The following SLC24A2 variants were observed in gnomAD, a reference collection of about 807,000 sequenced individuals.
SLC24A2 encodes sodium/potassium/calcium exchanger 2.
A neutral mutation model predicts 62.0 loss-of-function variants in SLC24A2; 36 were observed. That is an observed-to-expected ratio of 0.58 (90% CI 0.44 to 0.77). The LOEUF is 0.77. SLC24A2 is among the 30% of genes least tolerant of loss of function. SLC24A2 has a pLI of 0.00. For synonymous variants in SLC24A2, 358 were observed against 294.0 expected, an observed-to-expected ratio of 1.22 and a Z score of -2.23; for missense variants, 846 against 817.9, an observed-to-expected ratio of 1.03 and a Z score of -0.42.
At chr9:19,928,030 C>T in the SLC24A2 span, 2 of 152,556 alleles carry the variant, frequency 1.3e-5, no homozygotes, top group Non-Finnish European at 2.9e-5. Context: ...GTCTTCGGCT[C>T]ACTCCTGGAG....
intron 2 of SLC24A2, among the ~76,000 whole-genome samples, chr9:19,696,419 G>A (rs1469066936): frequency 6.6e-6 from 1 of 152,158 alleles, no homozygotes; most frequent in Non-Finnish European, 1.5e-5. Flanking sequence ...GCCTAGTACA[G>A]CCATTTGCAC....
the SLC24A2 span, among the ~76,000 whole-genome samples, chr9:20,299,137 A>G: frequency 5.9e-5 from 9 of 152,356 alleles, no homozygotes; most frequent in African/African-American, 2.2e-4. Flanking sequence ...GAAGATTCAT[A>G]GAGAGGGAGC....
chr9:19,547,518 A>G (rs1834641631), intron 8 of SLC24A2, among the ~76,000 whole-genome samples: 1 of 151,938 alleles, frequency 6.6e-6, no homozygotes, highest in Non-Finnish European at 1.5e-5. Flanking sequence ...GATCTTCCCT[A>G]ACAGCTTCTT....
At chr9:19,947,204 A>C in the SLC24A2 span, among the ~76,000 whole-genome samples, 1 of 152,228 alleles carries the variant, frequency 6.6e-6, no homozygotes, top group Admixed American at 6.5e-5. Context: ...AAGCTAAAAC[A>C]AATGGATTGG....
chr9:19,709,621 T>C (rs963246662), intron 2 of SLC24A2, among the ~76,000 whole-genome samples: 7 of 151,748 alleles, frequency 4.6e-5, no homozygotes, highest in African/African-American at 1.7e-4. Flanking sequence ...TGGATGAAAC[T>C]GGACACCATC....
chr9:19,589,490 T>C (rs1477217655), intron 5 of SLC24A2, among the ~76,000 whole-genome samples: 1 of 152,240 alleles, frequency 6.6e-6, no homozygotes. Context: ...GTGCATGTAA[T>C]GTTTTTATAA....
chr9:19,834,946 C>A, the SLC24A2 span, among the ~76,000 whole-genome samples: 6 of 152,260 alleles, frequency 3.9e-5, no homozygotes, highest in East Asian at 7.7e-4. Flanking sequence ...AAAGAATTTT[C>A]AACCCAGAAT....
the SLC24A2 span, among the ~76,000 whole-genome samples, chr9:19,868,729 G>T: frequency 3.3e-5 from 5 of 152,042 alleles, no homozygotes; most frequent in South Asian, 2.1e-4. Flanking sequence ...GACCCTGTTT[G>T]TCTCTAGCAA....
chr9:19,552,983 C>T (rs146533747), intron 7 of SLC24A2, among the ~76,000 whole-genome samples: 1 of 152,316 alleles, frequency 6.6e-6, no homozygotes, highest in African/African-American at 2.4e-5. Context: ...GGAGAAGAGA[C>T]TATGTCTCAG....
chr9:19,601,500 A>T (rs1416815761), intron 4 of SLC24A2, among the ~76,000 whole-genome samples: 2 of 151,964 alleles, frequency 1.3e-5, no homozygotes, highest in Non-Finnish European at 2.9e-5. Flanking sequence ...GAGCTATAAC[A>T]CTCACCACGA....
At chr9:20,118,531 C>T in the SLC24A2 span, among the ~76,000 whole-genome samples, 1 of 151,990 alleles carries the variant, frequency 6.6e-6, no homozygotes, top group Admixed American at 6.6e-5. Context: ...ACTATTGATG[C>T]TGTTCTTAAG....
chr9:20,088,363 G>T, the SLC24A2 span, among the ~76,000 whole-genome samples: 1 of 152,284 alleles, frequency 6.6e-6, no homozygotes, highest in East Asian at 1.9e-4. Flanking sequence ...TTGCCTTTGG[G>T]CTCTAGAGAA....
At chr9:20,283,604 C>T in the SLC24A2 span, among the ~76,000 whole-genome samples, 1 of 151,962 alleles carries the variant, frequency 6.6e-6, no homozygotes, top group Admixed American at 6.5e-5. Context: ...AACTGAGGGG[C>T]ATAAAGCAGA....
At chr9:19,569,841 C>T (rs1348909485) in intron 7 of SLC24A2, among the ~76,000 whole-genome samples, 5 of 152,178 alleles carry the variant, frequency 3.3e-5, no homozygotes, top group African/African-American at 1.2e-4. Flanking sequence ...ACTGATTTTT[C>T]TGTTTCTGAA....
intron 2 of SLC24A2, among the ~76,000 whole-genome samples, chr9:19,732,157 A>G (rs1821358803): frequency 6.6e-6 from 1 of 152,224 alleles, no homozygotes; most frequent in Non-Finnish European, 1.5e-5. Flanking sequence ...AGAACTGCAA[A>G]AGGGCAGGTG....
the SLC24A2 span, among the ~76,000 whole-genome samples, chr9:20,244,819 G>A: frequency 2.0e-5 from 3 of 152,158 alleles, no homozygotes; most frequent in Non-Finnish European, 4.4e-5. Flanking sequence ...AAACAGAAAT[G>A]TAGTTTGCTT....
At chr9:20,031,680 A>G in the SLC24A2 span, among the ~76,000 whole-genome samples, 1 of 152,120 alleles carries the variant, frequency 6.6e-6, no homozygotes, top group African/African-American at 2.4e-5. Flanking sequence ...TTGTTATAGA[A>G]CACAGCCTCC....
chr9:19,545,801 C>G (rs10757071), intron 8 of SLC24A2, among the ~76,000 whole-genome samples: 129,447 of 151,888 alleles, frequency 0.85, 55,368 homozygotes, highest in East Asian at 1. Context: ...ACCACGCCTG[C>G]CTAATTTTTT....
At chr9:19,914,880 G>A in the SLC24A2 span, among the ~76,000 whole-genome samples, 1 of 151,972 alleles carries the variant, frequency 6.6e-6, no homozygotes, top group Non-Finnish European at 1.5e-5. Context: ...CTGAGCTGAG[G>A]TGCTTCAGGA....
Sources: allele counts gnomAD v4.1 joint callset (sites outside exome capture counted in the v4.1 genomes callset), GRCh38; gene constraint gnomAD v4.1.1; transcripts MANE v1.5; gene names NCBI Gene and HGNC (gene_info 2026-07-23, HGNC 2026-07-21).